Variants in FSTL5 observed in about 807,000 individuals in gnomAD.
The protein encoded by FSTL5 is follistatin like 5, also known as follistatin-related protein 5.
In FSTL5, 62 loss-of-function variants were observed where a neutral mutation model predicts 89.1. The ratio of observed to expected loss-of-function variants is 0.70; its 90% CI spans 0.57 to 0.86. FSTL5 has a LOEUF of 0.86. Ranked by LOEUF, FSTL5 falls within the 40% of genes least tolerant of loss-of-function variation. The probability of loss-of-function intolerance (pLI) is 0.00; values close to 1 mark genes in which losing one functional copy is unlikely to be tolerated. For synonymous variants in FSTL5, 383 were observed against 346.2 expected (o/e 1.11, Z -1.18); for missense variants, 1,057 against 1,001.6 (o/e 1.06, Z -0.75).
At chr4:161,678,131 T>A (rs148273215) in intron 6 of FSTL5, among the ~76,000 whole-genome samples, 2 of 151,928 alleles carry the variant, frequency 1.3e-5, no homozygotes, top group Admixed American at 6.6e-5. Flanking sequence ...CATGTAAATA[T>A]GTATATTCTA....
chr4:161,875,383 T>A (rs1732409917), intron 4 of FSTL5, among the ~76,000 whole-genome samples: 1 of 152,148 alleles, frequency 6.6e-6, no homozygotes, highest in Admixed American at 6.5e-5. Context: ...GGTTGGTTGC[T>A]TTTTGCAACC....
intron 10 of FSTL5, among the ~76,000 whole-genome samples, chr4:161,512,215 C>A (rs4466004): frequency 0.19 from 29,465 of 151,866 alleles, 3,107 homozygotes; most frequent in East Asian, 0.37. Flanking sequence ...AAAATAACAA[C>A]GCATGTGTTT....
intron 2 of FSTL5, among the ~76,000 whole-genome samples, chr4:162,052,876 T>C (rs2111261393): frequency 6.6e-6 from 1 of 151,974 alleles, no homozygotes; most frequent in South Asian, 2.1e-4. Context: ...CTCTTGAATT[T>C]ATTCACCCTA....
chr4:161,887,750 T>G (rs1419849497), intron 4 of FSTL5, among the ~76,000 whole-genome samples: 1 of 152,186 alleles, frequency 6.6e-6, no homozygotes, highest in Non-Finnish European at 1.5e-5. Context: ...ACAATTTAAT[T>G]CATTTTCTCC....
chr4:161,875,855 G>T (rs533758163), intron 4 of FSTL5, among the ~76,000 whole-genome samples: 1 of 151,936 alleles, frequency 6.6e-6, no homozygotes, highest in African/African-American at 2.4e-5. Context: ...CTTTGTTTTT[G>T]GTTGATGCTT....
chr4:162,105,322 T>G (rs1356390129), intron 2 of FSTL5, among the ~76,000 whole-genome samples: 1 of 152,138 alleles, frequency 6.6e-6, no homozygotes, highest in African/African-American at 2.4e-5. Context: ...ATGCAAAACT[T>G]ATTCATCTTG....
At chr4:161,761,369 T>C (rs1018281138) in intron 5 of FSTL5, among the ~76,000 whole-genome samples, 1 of 152,182 alleles carries the variant, frequency 6.6e-6, no homozygotes, top group Non-Finnish European at 1.5e-5. Context: ...TCCTGGGGGC[T>C]GGGAGAAGGG....
chr4:161,835,136 A>T (rs927806364), intron 4 of FSTL5, among the ~76,000 whole-genome samples: 1 of 148,906 alleles, frequency 6.7e-6, no homozygotes, highest in African/African-American at 2.5e-5. Context: ...CAGAGCCCTC[A>T]GAAATAACGC....
At chr4:162,056,340 G>C (rs930259741) in intron 2 of FSTL5, among the ~76,000 whole-genome samples, 2 of 151,940 alleles carry the variant, frequency 1.3e-5, no homozygotes, top group African/African-American at 4.8e-5. Context: ...AGAAAAATCA[G>C]TAACCCATTT....
At chr4:161,516,512 TAC>T (rs1242288379) in intron 10 of FSTL5, among the ~76,000 whole-genome samples, 3 of 143,854 alleles carry the variant, frequency 2.1e-5, no homozygotes, top group Non-Finnish European at 4.5e-5. Flanking sequence ...ATTATATATA[TAC>T]ACACATATAT....
At chr4:162,135,693 A>G (rs1222289260) in intron 1 of FSTL5, among the ~76,000 whole-genome samples, 1 of 152,138 alleles carries the variant, frequency 6.6e-6, no homozygotes, top group Non-Finnish European at 1.5e-5. Context: ...CCATGAGATC[A>G]GAGATTATAA....
intron 1 of FSTL5, 134 bp from the exon 2 acceptor site, chr4:162,111,546 T>C: frequency 1.8e-6 from 1 of 568,110 alleles, no homozygotes; most frequent in South Asian, 3.3e-5. Context: ...CCAAGGGAAA[T>C]GAGAAGTGAG....
At chr4:161,560,588 T>G (rs970443932) in intron 8 of FSTL5, among the ~76,000 whole-genome samples, 1 of 151,872 alleles carries the variant, frequency 6.6e-6, no homozygotes, top group East Asian at 1.9e-4. Context: ...TTATACAATT[T>G]TTTAATTTTA....
chr4:162,108,810 C>T (rs1206996549), intron 2 of FSTL5, among the ~76,000 whole-genome samples: 5 of 151,354 alleles, frequency 3.3e-5, no homozygotes, highest in Admixed American at 2.6e-4. Flanking sequence ...ATATATGATA[C>T]ATATGTTATC....
At chr4:161,764,545 C>T (rs1005886317) in intron 5 of FSTL5, among the ~76,000 whole-genome samples, 10 of 152,092 alleles carry the variant, frequency 6.6e-5, no homozygotes, top group Non-Finnish European at 1.3e-4. Context: ...AGGTGTGAGC[C>T]ACTGCATCTG....
At chr4:161,499,038 T>A (rs1326633085) in intron 12 of FSTL5, among the ~76,000 whole-genome samples, 1 of 151,794 alleles carries the variant, frequency 6.6e-6, no homozygotes, top group Non-Finnish European at 1.5e-5. Flanking sequence ...CACGTCTCTA[T>A]GAAAAATACA....
chr4:161,815,024 G>T (rs1237268283), intron 4 of FSTL5, among the ~76,000 whole-genome samples: 1 of 151,934 alleles, frequency 6.6e-6, no homozygotes, highest in Non-Finnish European at 1.5e-5. Context: ...GATACTCATT[G>T]CCATCATGCA....
At chr4:161,475,695 T>C (rs1165894860) in intron 13 of FSTL5, among the ~76,000 whole-genome samples, 2 of 152,124 alleles carry the variant, frequency 1.3e-5, no homozygotes, top group East Asian at 1.9e-4. Context: ...GTTATTTTAA[T>C]GTTTTTATCT....
chr4:162,036,537 C>A (rs1363941046), intron 2 of FSTL5, among the ~76,000 whole-genome samples: 3 of 152,006 alleles, frequency 2.0e-5, no homozygotes, highest in Non-Finnish European at 2.9e-5. Context: ...CTAGCATATG[C>A]ATAAATTATC....
Sources: allele counts gnomAD v4.1 joint callset (sites outside exome capture counted in the v4.1 genomes callset), GRCh38; gene constraint gnomAD v4.1.1; transcripts MANE v1.5; gene names NCBI Gene and HGNC (gene_info 2026-07-23, HGNC 2026-07-21).